Variants in KIF6 observed in about 807,000 individuals in gnomAD.
The protein encoded by KIF6 is kinesin family member 6, also known as kinesin-like protein KIF6.
A neutral mutation model predicts 112.7 loss-of-function variants in KIF6; 106 were observed. The observed-to-expected ratio is 0.94, with a 90% CI of 0.80 to 1.11. The LOEUF (loss-of-function observed/expected upper bound fraction) is 1.11, where lower values mean the gene tolerates loss of function less well. Ranked by LOEUF, KIF6 falls within the 50% of genes least tolerant of loss-of-function variation. The pLI is 0.00. For missense variants in KIF6, 929 were observed against 964.0 expected (o/e 0.96, Z 0.48); for synonymous variants, 339 against 339.9 (o/e 1.00, Z 0.03).
intron 9 of KIF6, among the ~76,000 whole-genome samples, chr6:39,580,723 A>G (rs1303556957): frequency 6.6e-6 from 1 of 152,140 alleles, no homozygotes; most frequent in Non-Finnish European, 1.5e-5. Flanking sequence ...CAGGCATATA[A>G]AATAGTATAA....
At position 39,362,415 on chromosome 6, in the gene KIF6, TGGCTAAAA is replaced by T. The variant is rs943776698; in HGVS notation, c.1946+11_1946+18del. ...TGGGAGGCTGGGCTCGGACTGTGTG[TGGCTAAAA>T]GGAAGGGCACCTTCTCTTTTCTTCC... is the stretch of plus-strand genomic sequence containing the variant. On this transcript the variant is annotated intron_variant, in intron 17 of 22. Transcript: ENST00000287152. 6.2e-7 allele frequency: 1 copy of T among 1,600,162 alleles called. No individual in the cohort carries two copies. The highest frequency in any genetic ancestry group is 1.3e-5 in the African/African-American group (1 of 74,690).
intron 13 of KIF6, among the ~76,000 whole-genome samples, chr6:39,442,554 G>T: frequency 6.6e-6 from 1 of 152,172 alleles, no homozygotes; most frequent in Non-Finnish European, 1.5e-5. Context: ...GCCAGCTTAG[G>T]CATCTGGAGG....
At position 39,716,323 on chromosome 6, in the gene KIF6, T is replaced by C. The variant is rs1180940026; in HGVS notation, c.177-1557A>G. Among the ~76,000 whole-genome samples the C allele has an allele frequency of 2.0e-5, 3 of 152,326 alleles. No homozygotes were observed. The East Asian group carries it at 5.8e-4, about 29-fold the overall frequency. Reference sequence around the variant, plus strand: ...GGATATTGAATTCCTTGGGGGAAAATGACATCCTCCACTATTTAAAATAGC... The same window carrying C: ...GGATATTGAATTCCTTGGGGGAAAACGACATCCTCCACTATTTAAAATAGC... On this transcript the variant is annotated intron_variant, in intron 2 of 22. Transcript: ENST00000287152.
intron 3 of KIF6, among the ~76,000 whole-genome samples, chr6:39,710,876 T>G (rs901824729): frequency 6.6e-6 from 1 of 151,754 alleles, no homozygotes; most frequent in Non-Finnish European, 1.5e-5. Flanking sequence ...ATTCAAAAAA[T>G]TAGCCGAGTG....
At position 39,400,616 on chromosome 6, in the gene KIF6, T is replaced by C. The variant is rs536052301; in HGVS notation, c.1811-14944A>G. Among the ~76,000 whole-genome samples, 31 of 152,234 alleles carry C rather than the reference T, an allele frequency of 2.0e-4. No individual in the cohort carries two copies. The South Asian group carries it at 6.2e-3, about 31-fold the overall frequency. On this transcript the variant is annotated intron_variant, in intron 15 of 22. Transcript: ENST00000287152. Reference sequence around the variant, plus strand: ...CTGCCACTTGAGATAGTTCTTGCTTTGGGGGAGTCATGTGAGTGTGTGGCA... The same window carrying C: ...CTGCCACTTGAGATAGTTCTTGCTTCGGGGGAGTCATGTGAGTGTGTGGCA...
intron 15 of KIF6, among the ~76,000 whole-genome samples, chr6:39,415,520 GC>G (rs751249694): frequency 9.2e-5 from 14 of 152,210 alleles, no homozygotes; most frequent in Non-Finnish European, 1.8e-4. Flanking sequence ...GCTGAAGGCT[GC>G]TGTTACTGCT....
At chr6:39,469,416 A>C (rs928942835) in intron 13 of KIF6, among the ~76,000 whole-genome samples, 9 of 152,176 alleles carry the variant, frequency 5.9e-5, no homozygotes, top group African/African-American at 2.2e-4. Flanking sequence ...ACTGTATGCT[A>C]TAAAAGATAC....
At chr6:39,576,747 A>G (rs1780995384) in intron 10 of KIF6, among the ~76,000 whole-genome samples, 1 of 152,120 alleles carries the variant, frequency 6.6e-6, no homozygotes, top group African/African-American at 2.4e-5. Flanking sequence ...GGGGCATAGA[A>G]GCTCCTGCTG....
At chr6:39,582,387 C>CT (rs1036426287) in intron 9 of KIF6, among the ~76,000 whole-genome samples, 16 of 152,106 alleles carry the variant, frequency 1.1e-4, no homozygotes, top group South Asian at 2.1e-4. Flanking sequence ...GGTACCAATA[C>CT]TTTTTTTGTT....
chr6:39,401,853 A>G (rs1768732516), intron 15 of KIF6, among the ~76,000 whole-genome samples: 3 of 152,158 alleles, frequency 2.0e-5, no homozygotes, highest in African/African-American at 7.2e-5. Context: ...TGTAGTTAAT[A>G]TAGTCTCTTA....
intron 15 of KIF6, among the ~76,000 whole-genome samples, chr6:39,405,588 T>C (rs1323734798): frequency 1.3e-5 from 2 of 152,210 alleles, no homozygotes; most frequent in Admixed American, 6.5e-5. Flanking sequence ...TTAGTCTTTT[T>C]ATATATTGTT....
rs147496886 is a variant in KIF6, at chr6:39,429,209, G to A, written c.1754+1844C>T. Among the ~76,000 whole-genome samples the A allele has an allele frequency of 7.4e-4, 113 of 152,290 alleles. 1 individual carries two copies. The highest frequency in any genetic ancestry group is 2.5e-3 in the African/African-American group (104 of 41,570). ...GACCCTCATTGCGGTTTGCTTTTCC[G>A]TTTGCCTTTCTTTTTCCTTCTTCCG... On this transcript the variant is annotated intron_variant, in intron 14 of 22. Coordinates refer to ENST00000287152, the MANE Select transcript of KIF6 (RefSeq NM_145027.6).
At chr6:39,689,222 CA>C (rs1788039832) in intron 3 of KIF6, among the ~76,000 whole-genome samples, 1 of 152,160 alleles carries the variant, frequency 6.6e-6, no homozygotes, top group African/African-American at 2.4e-5. Context: ...ATGCAAAATG[CA>C]GCTGGGTGCG....
chr6:39,367,182 G>A (rs1765622675), intron 16 of KIF6, among the ~76,000 whole-genome samples: 1 of 152,184 alleles, frequency 6.6e-6, no homozygotes, highest in Non-Finnish European at 1.5e-5. Context: ...TCTGAGGCTT[G>A]GCTCATCAGT....
At chr6:39,603,292 T>C (rs1782676438) in intron 6 of KIF6, among the ~76,000 whole-genome samples, 2 of 152,260 alleles carry the variant, frequency 1.3e-5, no homozygotes, top group Middle Eastern at 6.8e-3. Flanking sequence ...CAGGGGTTGA[T>C]GCTGCTTTGT....
chr6:39,337,155 T>TTTTCTTTCTTTTC (rs1762995688), intron 22 of KIF6, among the ~76,000 whole-genome samples: 1 of 53,674 alleles, frequency 1.9e-5, no homozygotes, highest in East Asian at 4.7e-4. Flanking sequence ...TTTCTCTTTC[T>TTTTCTTTCTTTTC]TTTCTTTCTT....
chr6:39,701,194 G>A (rs1328523792), intron 3 of KIF6, among the ~76,000 whole-genome samples: 1 of 152,170 alleles, frequency 6.6e-6, no homozygotes, highest in Non-Finnish European at 1.5e-5. Context: ...AAAAGTTTCT[G>A]TTCAGACACT....
At chr6:39,558,005 T>C (rs1779810721) in intron 10 of KIF6, among the ~76,000 whole-genome samples, 1 of 151,496 alleles carries the variant, frequency 6.6e-6, no homozygotes, top group Admixed American at 6.6e-5. Context: ...AAAATAAAAA[T>C]CATAAAACTC....
intron 13 of KIF6, among the ~76,000 whole-genome samples, chr6:39,471,964 C>T (rs1181940993): frequency 6.6e-6 from 1 of 152,176 alleles, no homozygotes; most frequent in Non-Finnish European, 1.5e-5. Context: ...CTGAAGTACC[C>T]GTGGCACTTA....
Sources: gnomAD v4.1 joint callset for allele counts (sites outside exome capture counted in the v4.1 genomes callset) on GRCh38, gnomAD v4.1.1 for gene constraint, MANE v1.5 for transcripts, NCBI Gene and HGNC (gene_info 2026-07-23, HGNC 2026-07-21) for gene names.